Variants in TTLL11 observed in about 807,000 individuals in gnomAD.
TTLL11 encodes tubulin polyglutamylase TTLL11.
Under a neutral mutation model 51.7 loss-of-function variants are expected in TTLL11, and 42 were observed. The observed-to-expected ratio is 0.81, with a 90% CI of 0.64 to 1.05. The LOEUF (loss-of-function observed/expected upper bound fraction) is 1.05. TTLL11 is among the 50% of genes least tolerant of loss of function. The pLI is 0.00. For missense variants in TTLL11, 799 were observed against 940.4 expected (o/e 0.85, Z 1.97); for synonymous variants, 381 against 383.5 (o/e 0.99, Z 0.08).
At position 122,039,318 on chromosome 9, in the gene TTLL11, T is replaced by G. The variant is rs901937420; in HGVS notation, c.513A>C (p.Ser171=). 1 of 1,613,998 alleles carries G rather than the reference T, an allele frequency of 6.2e-7. No individual in the cohort carries two copies. Among genetic ancestry groups the G allele is most frequent in the Non-Finnish European group, 8.5e-7 (1 of 1,179,956 alleles). The change falls in exon 2 of 9, where the codon TCA becomes TCC. Residue 171 remains serine, a synonymous_variant. Coordinates refer to ENST00000321582, the MANE Select transcript of TTLL11 (RefSeq NM_001139442.2). ...CGGAGAATATGTCATTGTCGTGAAA[T>G]GAAACTCCATGCCAGTAGATGTCAC... ...LPCDIYWHGV[S]FHDNDIFSGQ... is the part of the protein sequence containing the mutation.
At chr9:121,831,304 C>T (rs749898468) in intron 8 of TTLL11, among the ~76,000 whole-genome samples, 7 of 152,226 alleles carry the variant, frequency 4.6e-5, no homozygotes, top group Middle Eastern at 3.2e-3. Context: ...GTAACAGCAG[C>T]GTTGGGGCTT....
At chr9:121,999,744 G>A (rs146789935) in intron 3 of TTLL11, among the ~76,000 whole-genome samples, 10 of 152,244 alleles carry the variant, frequency 6.6e-5, no homozygotes, top group East Asian at 5.8e-4. Flanking sequence ...ACCCACACAC[G>A]TGCGCGTGCA....
intron 4 of TTLL11, among the ~76,000 whole-genome samples, chr9:121,984,001 A>G (rs944401399): frequency 2.6e-5 from 4 of 152,176 alleles, no homozygotes; most frequent in African/African-American, 9.7e-5. Context: ...AAGGCGTTGA[A>G]GTTCAAGAAA....
Position 122,051,092 on chromosome 9 carries a change from G to A in TTLL11, c.463-11724C>T, listed in dbSNP as rs115884385. On this transcript the variant is annotated intron_variant, in intron 1 of 8. Coordinates refer to ENST00000321582, the MANE Select transcript of TTLL11 (RefSeq NM_001139442.2). Reference sequence around the variant, plus strand: ...AGGTCCCAGAGAAAGAACATGTTCTGAGAATGAAGGAATTTAAGATTAATA... The same window carrying A: ...AGGTCCCAGAGAAAGAACATGTTCTAAGAATGAAGGAATTTAAGATTAATA... Among the ~76,000 whole-genome samples the A allele has an allele frequency of 2.4e-3, 373 of 152,262 alleles. 3 individuals carry two copies. Among genetic ancestry groups the A allele is most frequent in the African/African-American group, 8.7e-3 (362 of 41,554 alleles).
At chr9:121,883,247 T>C (rs964051915) in intron 6 of TTLL11, among the ~76,000 whole-genome samples, 1 of 152,194 alleles carries the variant, frequency 6.6e-6, no homozygotes, top group Non-Finnish European at 1.5e-5. Flanking sequence ...ACTCAGCCTC[T>C]GGTTCTCTTC....
At chr9:122,015,991 A>C (rs1286014315) in intron 3 of TTLL11, among the ~76,000 whole-genome samples, 3 of 152,154 alleles carry the variant, frequency 2.0e-5, no homozygotes, top group African/African-American at 7.2e-5. Context: ...GGGAGAGGTA[A>C]TTAAACAGGT....
intron 6 of TTLL11, among the ~76,000 whole-genome samples, chr9:121,883,355 C>T (rs915636514): frequency 9.9e-5 from 15 of 152,118 alleles, no homozygotes; most frequent in Admixed American, 4.6e-4. Flanking sequence ...GTTGGAACAT[C>T]GTAAGTACCA....
In TTLL11 at chr9:121,870,687, T is replaced by C. The variant is rs555160374; in HGVS notation, c.1543A>G (p.Ser515Gly). 6.4e-7 allele frequency: 1 copy of C among 1,551,662 alleles called. No individual in the cohort carries two copies. The highest frequency in any genetic ancestry group is 1.2e-5 in the South Asian group (1 of 84,058). The change falls in exon 7 of 9, where the codon AGT becomes GGT. Residue 515 changes from serine to glycine, a missense_variant. Ser to Gly is a moderately conservative substitution (Grantham distance 56). Transcript: ENST00000321582. ...KEDALDGELTSAPDCNANPEA... is the reference protein window; with the variant it reads ...KEDALDGELTGAPDCNANPEA... Reference sequence around the variant, plus strand: ...GGGTTGGCGTTGCAGTCTGGAGCACTGGTCAGCTCGCCGTCCAAAGCATCT... The same window carrying C: ...GGGTTGGCGTTGCAGTCTGGAGCACCGGTCAGCTCGCCGTCCAAAGCATCT...
At chr9:121,878,980 C>T (rs974569231) in intron 6 of TTLL11, among the ~76,000 whole-genome samples, 1 of 152,164 alleles carries the variant, frequency 6.6e-6, no homozygotes, top group Non-Finnish European at 1.5e-5. Context: ...CCAGCTCTGC[C>T]ACTCACAAGC....
intron 3 of TTLL11, among the ~76,000 whole-genome samples, chr9:122,029,731 T>C (rs1224258775): frequency 6.6e-6 from 1 of 152,190 alleles, no homozygotes; most frequent in African/African-American, 2.4e-5. Context: ...TAGTGTAGCC[T>C]AAGTGTACAG....
intron 1 of TTLL11, among the ~76,000 whole-genome samples, chr9:122,081,236 G>T (rs768717534): frequency 5.9e-5 from 9 of 152,166 alleles, no homozygotes; most frequent in Non-Finnish European, 1.0e-4. Flanking sequence ...GAGCAATACG[G>T]TCCACTAGAA....
intron 6 of TTLL11, among the ~76,000 whole-genome samples, chr9:121,963,456 C>T (rs1842302101): frequency 6.6e-6 from 1 of 152,186 alleles, no homozygotes; most frequent in Admixed American, 6.5e-5. Flanking sequence ...AATTTCCAAA[C>T]ACATTTGCTA....
intron 6 of TTLL11, among the ~76,000 whole-genome samples, chr9:121,912,600 T>G (rs1242120616): frequency 6.6e-6 from 1 of 152,080 alleles, no homozygotes; most frequent in African/African-American, 2.4e-5. Context: ...ACTGTTGAAC[T>G]TGTCACCCCC....
intron 8 of TTLL11, among the ~76,000 whole-genome samples, chr9:121,839,487 G>A (rs1222609340): frequency 6.6e-6 from 1 of 152,192 alleles, no homozygotes; most frequent in Non-Finnish European, 1.5e-5. Context: ...CGGCTCTGGG[G>A]GGCTCAGTGA....
At chr9:122,032,925 G>A (rs1181683621) in intron 2 of TTLL11, among the ~76,000 whole-genome samples, 1 of 151,440 alleles carries the variant, frequency 6.6e-6, no homozygotes, top group Admixed American at 6.6e-5. Flanking sequence ...CTCTCGAGTA[G>A]CTGGGACTAC....
At chr9:122,049,294 G>A (rs17263352) in intron 1 of TTLL11, among the ~76,000 whole-genome samples, 7,189 of 152,198 alleles carry the variant, frequency 0.047, 347 homozygotes, top group Admixed American at 0.12. Context: ...CTATTAACCC[G>A]ATGATAAAGA....
intron 8 of TTLL11, among the ~76,000 whole-genome samples, chr9:121,841,422 T>C (rs1404364128): frequency 6.6e-6 from 1 of 152,196 alleles, no homozygotes; most frequent in Non-Finnish European, 1.5e-5. Flanking sequence ...GTTGCCAAAA[T>C]GACAGAAGGT....
At chr9:121,925,061 G>A (rs1840674131) in intron 6 of TTLL11, among the ~76,000 whole-genome samples, 1 of 152,180 alleles carries the variant, frequency 6.6e-6, no homozygotes, top group Non-Finnish European at 1.5e-5. Flanking sequence ...AGGCTCAGCT[G>A]TGGGAGAGGA....
chr9:122,016,384 T>C (rs1215594051), intron 3 of TTLL11, among the ~76,000 whole-genome samples: 1 of 152,210 alleles, frequency 6.6e-6, no homozygotes, highest in Non-Finnish European at 1.5e-5. Flanking sequence ...CTGCATCTTT[T>C]TGATAAACCA....
Sources: gnomAD v4.1 joint callset for allele counts (sites outside exome capture counted in the v4.1 genomes callset) on GRCh38, gnomAD v4.1.1 for gene constraint, MANE v1.5 for transcripts, NCBI Gene and HGNC (gene_info 2026-07-23, HGNC 2026-07-21) for gene names.